The following PPP2R3B variants were observed in gnomAD, a reference collection of about 807,000 sequenced individuals.
PPP2R3B encodes protein phosphatase 2 regulatory subunit B''beta, also known as serine/threonine-protein phosphatase 2A regulatory subunit B'' subunit beta.
PPP2R3B carries 68 observed loss-of-function variants against 72.9 expected under a neutral mutation model. The ratio of observed to expected loss-of-function variants is 0.93; its 90% confidence interval spans 0.77 to 1.14. The LOEUF (loss-of-function observed/expected upper bound fraction) is 1.14. PPP2R3B is among the 50% of genes most tolerant of loss of function. PPP2R3B has a pLI of 0.00. For missense variants in PPP2R3B, 1,018 were observed against 842.0 expected (o/e 1.21, Z -2.59); for synonymous variants, 466 against 375.8 (o/e 1.24, Z -2.78).
intron 2 of PPP2R3B, among the ~76,000 whole-genome samples, chrX:348,492 CT>C (rs2071268946): frequency 6.6e-6 from 1 of 151,098 alleles, no homozygotes; most frequent in East Asian, 2.0e-4. Context: ...AGGAGAATCA[CT>C]TGATCCTGGG....
Position 341,163 on chromosome X carries a change from G to T in PPP2R3B, c.1175+144C>A, listed in dbSNP as rs774909725. The T allele has an allele frequency of 6.4e-4, 493 of 775,540 alleles. 7 individuals carry two copies. In the African/African-American group the frequency reaches 0.01, roughly 16 times the overall value. 48.0% of individuals were successfully genotyped at this position (775,540 alleles called of 1,614,324 possible). ...AGGCGTGCACATGTCCCCCTGTGCC[G>T]TGCAGCCCCCACCGGGCGTGCACAT... On this transcript the variant is annotated intron_variant, in intron 9 of 12. Transcript: ENST00000390665.
rs776683335 is a variant in PPP2R3B, at chrX:373,351, C to G, written c.325-11761G>C. Among the ~76,000 whole-genome samples the G allele has an allele frequency of 5.0e-3, 756 of 152,322 alleles. 11 individuals are homozygous for G. Among genetic ancestry groups the G allele is most frequent in the African/African-American group, 0.017 (724 of 41,574 alleles). On this transcript the variant is annotated intron_variant, in intron 1 of 12. Transcript: ENST00000390665. ...ACCCGGTTTTCGGCGGCGTGCGGCC[C>G]GAGCGGGTCCCCTGCGCCCACAACT...
intron 7 of PPP2R3B, chrX:342,294 CGGG>C (rs1219844556): frequency 3.5e-5 from 12 of 346,116 alleles, no homozygotes; most frequent in Non-Finnish European, 5.9e-5. Context: ...CAACGGGAGA[CGGG>C]AGTGAGACCT....
intron 1 of PPP2R3B, among the ~76,000 whole-genome samples, chrX:363,116 G>A (rs5945458): frequency 0.15 from 23,356 of 151,436 alleles, 2,023 homozygotes; most frequent in Admixed American, 0.23. Context: ...AGTAGCTGCC[G>A]ACTGAGTGCT....
intron 2 of PPP2R3B, among the ~76,000 whole-genome samples, chrX:348,350 T>TG (rs1428665352): frequency 2.0e-5 from 3 of 151,572 alleles, no homozygotes; most frequent in Non-Finnish European, 4.4e-5. Context: ...CCGAGGGGGG[T>TG]GGATCACCTG....
intron 1 of PPP2R3B, among the ~76,000 whole-genome samples, chrX:363,644 T>TC (rs1556205434): frequency 0.01 from 45 of 4,482 alleles, no homozygotes; most frequent in South Asian, 0.026. Flanking sequence ...CATCCCACAG[T>TC]CATCTCCCTG....
Position 346,179 on chromosome X carries a change from G to C in PPP2R3B, c.874C>G (p.Leu292Val). 1 of 1,558,564 alleles carries C rather than the reference G, an allele frequency of 6.4e-7. No individual in the cohort carries two copies. The highest frequency in any genetic ancestry group is 2.4e-5 in the East Asian group (1 of 41,640). The change falls in exon 6 of 13, where the codon CTG becomes GTG. Residue 292 changes from leucine to valine, a missense_variant. By Grantham distance (32) the Leu-to-Val change is conservative. Transcript: ENST00000390665. ...TCAELRRSSFLQNVALLEEEA... is the reference protein window; with the variant it reads ...TCAELRRSSFVQNVALLEEEA... ...GACAGGGGGCCGCTCCGCACCTGCA[G>C]GAAGGAGCTCCTCCGCAGCTCGGCG...
In PPP2R3B at chrX:348,929, G is replaced by A. The variant is rs1248540366; in HGVS notation, c.511-1236C>T. On this transcript the variant is annotated intron_variant, in intron 2 of 12. Transcript: ENST00000390665. Reference sequence around the variant, plus strand: ...TCCGAGGCTGGCACAGCCTGGACGCGGTCAGGGACACAGGAAGTCACAGGC... The same window carrying A: ...TCCGAGGCTGGCACAGCCTGGACGCAGTCAGGGACACAGGAAGTCACAGGC... Among the ~76,000 whole-genome samples, 5 of 152,078 alleles carry A rather than the reference G, an allele frequency of 3.3e-5. No individual in the cohort carries two copies. In the South Asian group the frequency reaches 6.2e-4, roughly 19 times the overall value.
chrX:334,330 G>C lies in PPP2R3B; in HGVS notation c.*37C>G, dbSNP rs1430474198. 2 of 1,448,878 alleles carry C rather than the reference G, an allele frequency of 1.4e-6. No homozygotes were observed. Among genetic ancestry groups the C allele is most frequent in the Non-Finnish European group, 1.8e-6 (2 of 1,106,394 alleles). 89.8% of individuals were successfully genotyped at this position (1,448,878 alleles called of 1,614,324 possible). ...CCGCGGTGGCCCGGTGGTGGCACGT[G>C]GGGAGCGGCCCCGCGGCGGCGTTCT... On this transcript the variant is annotated 3_prime_UTR_variant, in exon 13 of 13. Transcript: ENST00000390665.
chrX:338,741 C>T (rs763717195), intron 11 of PPP2R3B, 31 bp from the exon 12 acceptor site: 24 of 1,611,610 alleles, frequency 1.5e-5, no homozygotes, highest in South Asian at 8.8e-5. Flanking sequence ...ACGTACACGG[C>T]GTGGCGCGGC....
chrX:361,937 C>A (rs1394208494), intron 1 of PPP2R3B, among the ~76,000 whole-genome samples: 1 of 152,106 alleles, frequency 6.6e-6, no homozygotes, highest in Admixed American at 6.5e-5. Flanking sequence ...ATGAGCCACA[C>A]CACTGACCCC....
At chrX:373,380 C>T (rs112349214) in intron 1 of PPP2R3B, among the ~76,000 whole-genome samples, 1,925 of 152,282 alleles carry the variant, frequency 0.013, 44 homozygotes, top group African/African-American at 0.045. Context: ...CACAACTGGC[C>T]CTGTAAATCT....
chrX:351,906 G>T (rs1276061532), intron 2 of PPP2R3B, among the ~76,000 whole-genome samples: 4 of 152,096 alleles, frequency 2.6e-5, no homozygotes, highest in Admixed American at 6.6e-5. Context: ...TGTTGCCGAG[G>T]CTGGTCTGGA....
Position 338,816 on chromosome X carries a change from G to T in PPP2R3B, c.1432C>A (p.Leu478Ile). The change falls in exon 11 of 13, where the codon CTC (leucine) becomes ATC (isoleucine). Residue 478 changes from leucine to isoleucine, a missense_variant. Leu to Ile is a conservative substitution (Grantham distance 5, BLOSUM62 2). Coordinates refer to ENST00000390665, the MANE Select transcript of PPP2R3B (RefSeq NM_013239.5). Reference sequence around the variant, plus strand: ...ATCTGCTCTTTCTGCTCGTGGTCGAGGTACTTCTCGATGTTGAAGAAGGTG... The same window carrying T: ...ATCTGCTCTTTCTGCTCGTGGTCGATGTACTTCTCGATGTTGAAGAAGGTG... ...FDTFFNIEKY[L>I]DHEQKEQISL... 1 of 1,612,462 alleles carries T rather than the reference G, an allele frequency of 6.2e-7. No homozygotes were observed. Among genetic ancestry groups the T allele is most frequent in the Non-Finnish European group, 8.5e-7 (1 of 1,179,700 alleles).
intron 2 of PPP2R3B, among the ~76,000 whole-genome samples, chrX:356,908 C>T (rs867161524): frequency 5.7e-5 from 7 of 123,836 alleles, no homozygotes; most frequent in Non-Finnish European, 9.5e-5. Context: ...GCGAGCCCCA[C>T]GGTAACCACG....
At chrX:370,233 G>A (rs187170199) in intron 1 of PPP2R3B, among the ~76,000 whole-genome samples, 6 of 152,334 alleles carry the variant, frequency 3.9e-5, no homozygotes, top group Admixed American at 3.3e-4. Context: ...CTGGTGTGGA[G>A]GGGTCAACAC....
intron 10 of PPP2R3B, 58 bp from the exon 11 acceptor site, chrX:338,954 G>T: frequency 1.4e-6 from 2 of 1,416,270 alleles, no homozygotes; most frequent in Non-Finnish European, 2.0e-6. Flanking sequence ...TCGGGGCCTG[G>T]GTGTGGGGTG....
chrX:386,635 G>C lies in PPP2R3B; in HGVS notation c.57C>G (p.Phe19Leu), dbSNP rs775169694. The change falls in exon 1 of 13, where the codon TTC becomes TTG. Residue 19 changes from phenylalanine to leucine, a missense_variant. Phe to Leu is a conservative substitution (Grantham distance 22, BLOSUM62 0). Coordinates refer to ENST00000390665, the MANE Select transcript of PPP2R3B (RefSeq NM_013239.5). ...PVLKMKVDEL[F>L]LYWLSEASTQ... Reference sequence around the variant, plus strand: ...TGCTGGCCTCGCTGAGCCAGTACAGGAACAGCTCGTCCACCTTCATCTTCA... The same window carrying C: ...TGCTGGCCTCGCTGAGCCAGTACAGCAACAGCTCGTCCACCTTCATCTTCA... The C allele has an allele frequency of 1.4e-6, 2 of 1,432,900 alleles. No homozygotes were observed. The highest frequency in any genetic ancestry group is 2.9e-5 in the South Asian group (2 of 70,096). The allele number at this position is 1,432,900 out of a possible 1,614,324, so 88.8% of individuals were successfully genotyped here.
chrX:346,060 G>A (rs866475722), intron 6 of PPP2R3B, 114 bp downstream of exon 6: 51 of 520,160 alleles, frequency 9.8e-5, no homozygotes, highest in Admixed American at 1.4e-4. Context: ...TGGGGGTGGG[G>A]GTGGGAGAGG....
Sources: gnomAD v4.1 joint callset for allele counts (sites outside exome capture counted in the v4.1 genomes callset) on GRCh38, gnomAD v4.1.1 for gene constraint, MANE v1.5 for transcripts, NCBI Gene and HGNC (gene_info 2026-07-23, HGNC 2026-07-21) for gene names.